Variants in PGCKA1 observed in about 807,000 individuals in gnomAD.
The protein encoded by PGCKA1 is PDCD10 and GCKIII kinases-associated protein 1.
the PGCKA1 span, chr4:37,590,143 A>C: frequency 3.7e-6 from 6 of 1,614,092 alleles, no homozygotes; most frequent in Middle Eastern, 1.6e-4. Flanking sequence ...TGAAGTCAAC[A>C]GCTGCAAGCT....
chr4:37,558,745 C>A, the PGCKA1 span, among the ~76,000 whole-genome samples: 1 of 106,202 alleles, frequency 9.4e-6, no homozygotes, highest in Non-Finnish European at 1.9e-5. Context: ...ACCAAATTTA[C>A]AAGAAAAAAA....
the PGCKA1 span, among the ~76,000 whole-genome samples, chr4:37,543,204 GT>G: frequency 0.23 from 35,059 of 151,862 alleles, 4,599 homozygotes; most frequent in East Asian, 0.39. Context: ...TCTTTGGTGG[GT>G]TTTTTTCCAT....
At chr4:37,543,998 T>A in the PGCKA1 span, among the ~76,000 whole-genome samples, 1 of 152,218 alleles carries the variant, frequency 6.6e-6, no homozygotes. Context: ...TATCTATCCC[T>A]TGTCATTCCC....
chr4:37,563,904 G>T, the PGCKA1 span, among the ~76,000 whole-genome samples: 1 of 152,114 alleles, frequency 6.6e-6, no homozygotes, highest in Non-Finnish European at 1.5e-5. Flanking sequence ...GTTCCCATGT[G>T]GTTCCAGGGA....
the PGCKA1 span, among the ~76,000 whole-genome samples, chr4:37,580,660 A>G: frequency 5.3e-5 from 8 of 152,222 alleles, no homozygotes; most frequent in Admixed American, 3.9e-4. Flanking sequence ...GGGTGACACA[A>G]GCACCCTTGT....
chr4:37,535,521 G>A, the PGCKA1 span, among the ~76,000 whole-genome samples: 1 of 152,168 alleles, frequency 6.6e-6, no homozygotes, highest in Non-Finnish European at 1.5e-5. Flanking sequence ...TGGGAAAGGG[G>A]TTTAAGTAGA....
At chr4:37,479,345 T>C in the PGCKA1 span, among the ~76,000 whole-genome samples, 1 of 152,202 alleles carries the variant, frequency 6.6e-6, no homozygotes, top group South Asian at 2.1e-4. Flanking sequence ...CCCAAAACCT[T>C]TTTTCTTTAC....
At chr4:37,517,533 T>C in the PGCKA1 span, among the ~76,000 whole-genome samples, 5 of 152,124 alleles carry the variant, frequency 3.3e-5, no homozygotes, top group Admixed American at 3.3e-4. Flanking sequence ...ATCACTGGCA[T>C]GCCCTGAGCC....
chr4:37,580,984 T>C, the PGCKA1 span, among the ~76,000 whole-genome samples: 1 of 152,120 alleles, frequency 6.6e-6, no homozygotes. Context: ...CCTCCCCTTT[T>C]CCCAGGCAAA....
At chr4:37,501,070 T>C in the PGCKA1 span, among the ~76,000 whole-genome samples, 1 of 152,204 alleles carries the variant, frequency 6.6e-6, no homozygotes, top group South Asian at 2.1e-4. Flanking sequence ...CTTCTCCAGC[T>C]TGCCACTCTG....
At chr4:37,532,527 T>C in the PGCKA1 span, among the ~76,000 whole-genome samples, 1 of 151,408 alleles carries the variant, frequency 6.6e-6, no homozygotes, top group Admixed American at 6.6e-5. Context: ...AAAAATACTA[T>C]TATTTGTAAA....
At chr4:37,513,658 T>A in the PGCKA1 span, among the ~76,000 whole-genome samples, 2 of 152,196 alleles carry the variant, frequency 1.3e-5, no homozygotes, top group Admixed American at 1.3e-4. Flanking sequence ...TGAAGGGACA[T>A]AAACATTCAG....
chr4:37,453,331 G>C, the PGCKA1 span, among the ~76,000 whole-genome samples: 1 of 152,148 alleles, frequency 6.6e-6, no homozygotes, highest in Non-Finnish European at 1.5e-5. Context: ...GTGAGGAGGG[G>C]ACGGGGAACC....
At chr4:37,553,075 G>C in the PGCKA1 span, among the ~76,000 whole-genome samples, 1 of 151,234 alleles carries the variant, frequency 6.6e-6, no homozygotes, top group Non-Finnish European at 1.5e-5. Context: ...GTTGCAGTGG[G>C]ATTACATTTT....
chr4:37,533,058 C>T, the PGCKA1 span, among the ~76,000 whole-genome samples: 1 of 151,636 alleles, frequency 6.6e-6, no homozygotes, highest in East Asian at 1.9e-4. Context: ...CACAAATCAT[C>T]TGGTATGTAA....
the PGCKA1 span, among the ~76,000 whole-genome samples, chr4:37,492,128 G>A: frequency 5.3e-5 from 8 of 151,050 alleles, no homozygotes; most frequent in South Asian, 2.1e-4. The surrounding 1 kb of genome is among the most constrained non-coding windows in gnomAD (Gnocchi z 4.7). Flanking sequence ...TGCAACCTCC[G>A]CCTCCCAGGT....
At chr4:37,483,528 T>C in the PGCKA1 span, among the ~76,000 whole-genome samples, 1 of 152,202 alleles carries the variant, frequency 6.6e-6, no homozygotes, top group African/African-American at 2.4e-5. Flanking sequence ...GCACTCTTCA[T>C]GGTGAGTCCC....
At chr4:37,476,859 C>T in the PGCKA1 span, among the ~76,000 whole-genome samples, 1 of 152,152 alleles carries the variant, frequency 6.6e-6, no homozygotes, top group Non-Finnish European at 1.5e-5. Context: ...TCATGACGGC[C>T]ACCCACTGGG....
chr4:37,555,563 A>G, the PGCKA1 span, among the ~76,000 whole-genome samples: 6 of 152,330 alleles, frequency 3.9e-5, no homozygotes, highest in Non-Finnish European at 1.5e-5. Flanking sequence ...CATCATCCAC[A>G]TGCAAAATAT....
Sources: allele counts gnomAD v4.1 joint callset (sites outside exome capture counted in the v4.1 genomes callset), GRCh38; gene constraint gnomAD v4.1.1; non-coding constraint Gnocchi (gnomAD v3.1); transcripts MANE v1.5; gene names NCBI Gene and HGNC (gene_info 2026-07-23, HGNC 2026-07-21).